RECQL: variants seen among roughly 807,000 people sequenced by gnomAD.
RECQL encodes ATP-dependent DNA helicase Q1.
In RECQL, 73 loss-of-function variants were observed where a neutral mutation model predicts 75.8. The ratio of observed to expected loss-of-function variants is 0.96; its 90% confidence interval spans 0.80 to 1.17. The LOEUF is 1.17. RECQL is among the 50% of genes most tolerant of loss of function. RECQL has a pLI of 0.00. For missense variants in RECQL, 699 were observed against 772.1 expected, an observed-to-expected ratio of 0.91 and a Z score of 1.12; for synonymous variants, 248 against 254.4, an observed-to-expected ratio of 0.97 and a Z score of 0.24.
intron 2 of RECQL, among the ~76,000 whole-genome samples, chr12:21,497,404 G>A (rs1463709486): frequency 6.6e-6 from 1 of 152,144 alleles, no homozygotes; most frequent in East Asian, 1.9e-4. Flanking sequence ...AAGCACTCTA[G>A]CATCTCTCCA....
intron 6 of RECQL, among the ~76,000 whole-genome samples, chr12:21,481,743 G>A (rs1366692223): frequency 6.6e-6 from 1 of 152,194 alleles, no homozygotes; most frequent in Admixed American, 6.5e-5. Flanking sequence ...ACTGAGGTCA[G>A]AACCCTAGGG....
At chr12:21,496,579 G>A (rs1943512684) in intron 2 of RECQL, among the ~76,000 whole-genome samples, 1 of 152,192 alleles carries the variant, frequency 6.6e-6, no homozygotes, top group Non-Finnish European at 1.5e-5. Context: ...AGAAGCAGCA[G>A]TAGCAGCTAC....
At chr12:21,471,709 T>C in intron 12 of RECQL, 62 bp from the exon 13 acceptor site, 1 of 1,309,694 alleles carries the variant, frequency 7.6e-7, no homozygotes, top group East Asian at 2.3e-5. Flanking sequence ...AAAGATAGGC[T>C]ATCTTAAGTA....
chr12:21,501,364 G>T lies in RECQL; in HGVS notation c.-240C>A, dbSNP rs1416274031. 1 of 152,534 alleles carries T rather than the reference G, an allele frequency of 6.6e-6. No individual in the cohort carries two copies. The highest frequency in any genetic ancestry group is 1.5e-5 in the Non-Finnish European group (1 of 68,306). The allele number at this position is 152,534 out of a possible 1,614,324, so 9.4% of individuals were successfully genotyped here. ...GAAAGGAAGTGATCCGCTACAGACC[G>T]GCCTCGCCCTGCAGCAGGAAAGGGA... is the stretch of plus-strand genomic sequence containing the variant. On this transcript the variant is annotated 5_prime_UTR_variant, in exon 1 of 15. Coordinates refer to ENST00000444129, the MANE Select transcript of RECQL (RefSeq NM_002907.4).
chr12:21,471,038 A>G lies in RECQL; in HGVS notation c.1728T>C (p.Ala576=). The G allele has an allele frequency of 6.2e-7, 1 of 1,601,674 alleles. No individual in the cohort carries two copies. The highest frequency in any genetic ancestry group is 8.5e-7 in the Non-Finnish European group (1 of 1,175,120). ...CATGTGCCTCATTGTTCAGAAGATT[A>G]GCTTTAGGTCCTATTTTCAAATACG... ...TISYLKIGPK[A]NLLNNEAHAI... The change falls in exon 14 of 15, where the codon GCT becomes GCC. Residue 576 remains alanine (A), a synonymous_variant. Coordinates refer to ENST00000444129, the MANE Select transcript of RECQL (RefSeq NM_002907.4).
intron 2 of RECQL, among the ~76,000 whole-genome samples, chr12:21,499,342 ACG>A (rs1943562650): frequency 6.6e-6 from 1 of 152,224 alleles, no homozygotes. Flanking sequence ...GATAGTGGTG[ACG>A]ACTGCACAAC....
chr12:21,495,752 A>G (rs73071368), intron 2 of RECQL, among the ~76,000 whole-genome samples: 5,847 of 152,292 alleles, frequency 0.038, 151 homozygotes, highest in African/African-American at 0.076. Flanking sequence ...TTTGGTTTCC[A>G]GAGATTTAAA....
intron 6 of RECQL, among the ~76,000 whole-genome samples, chr12:21,479,882 A>T (rs962361180): frequency 1.3e-5 from 2 of 152,212 alleles, no homozygotes; most frequent in Non-Finnish European, 2.9e-5. Flanking sequence ...TGGGATATGG[A>T]GGTGGCAGGG....
intron 11 of RECQL, among the ~76,000 whole-genome samples, chr12:21,474,070 TTGTC>T (rs578197743): frequency 3.1e-4 from 47 of 152,172 alleles, no homozygotes; most frequent in African/African-American, 8.7e-4. Context: ...GTTTAAAAAA[TTGTC>T]TGAGTTCCAT....
chr12:21,485,576 A>G (rs1361197056), intron 5 of RECQL, among the ~76,000 whole-genome samples: 1 of 152,130 alleles, frequency 6.6e-6, no homozygotes, highest in Non-Finnish European at 1.5e-5. Flanking sequence ...TGAGATAGAA[A>G]TCTGAATTTT....
At chr12:21,490,615 G>A (rs1349921362) in intron 3 of RECQL, among the ~76,000 whole-genome samples, 1 of 152,148 alleles carries the variant, frequency 6.6e-6, no homozygotes, top group Non-Finnish European at 1.5e-5. Flanking sequence ...GGAGGCCTAA[G>A]CAGGAGGATT....
At chr12:21,493,788 GCCT>G (rs747603390) in intron 2 of RECQL, among the ~76,000 whole-genome samples, 41 of 152,236 alleles carry the variant, frequency 2.7e-4, no homozygotes, top group Middle Eastern at 3.4e-3. Flanking sequence ...GGACTGCTAA[GCCT>G]CCTAAGAATC....
chr12:21,494,369 G>A (rs1943466415), intron 2 of RECQL, among the ~76,000 whole-genome samples: 1 of 152,136 alleles, frequency 6.6e-6, no homozygotes, highest in South Asian at 2.1e-4. Flanking sequence ...AATGTATATG[G>A]GAATAGATCA....
chr12:21,501,424 C>G lies in RECQL; in HGVS notation c.-300G>C, dbSNP rs1271131759. On this transcript the variant is annotated 5_prime_UTR_variant, in exon 1 of 15. Coordinates refer to ENST00000444129, the MANE Select transcript of RECQL (RefSeq NM_002907.4). ...CAAAAAGCGCACACCCTTGACCCTT[C>G]AAAGCTGTAACAGTAGTTATCCCAG... 6.3e-6 allele frequency: 1 copy of G among 159,124 alleles called. No homozygotes were observed. The highest frequency in any genetic ancestry group is 2.4e-5 in the African/African-American group (1 of 41,530). The allele number at this position is 159,124 out of a possible 1,614,324, so 9.9% of individuals were successfully genotyped here.
At chr12:21,471,261 A>G in intron 13 of RECQL, 163 bp from the exon 14 acceptor site, 1 of 986,942 alleles carries the variant, frequency 1.0e-6, no homozygotes, top group Non-Finnish European at 1.4e-6. Flanking sequence ...TATTTTCGTT[A>G]CTTTTTTTTA....
intron 7 of RECQL, 68 bp from the exon 8 acceptor site, chr12:21,477,060 C>G: frequency 1.1e-6 from 1 of 907,266 alleles, no homozygotes; most frequent in Non-Finnish European, 1.5e-6. Flanking sequence ...CTATGTACAA[C>G]TTTCAGGATG....
Position 21,490,285 on chromosome 12 carries a change from G to T in RECQL, c.308C>A (p.Thr103Lys). 2 of 1,612,502 alleles carry T rather than the reference G, an allele frequency of 1.2e-6. No homozygotes were observed. Among genetic ancestry groups the T allele is most frequent in the Admixed American group, 1.7e-5 (1 of 60,010 alleles). Residue 103 changes from threonine (T) to lysine (K), a missense_variant, in exon 4 of 15, where the codon ACA becomes AAA. By Grantham distance (78) the Thr-to-Lys change is moderately conservative (BLOSUM62 -1). Coordinates refer to ENST00000444129, the MANE Select transcript of RECQL (RefSeq NM_002907.4). ...AAGAAATACCTCCTTTCCAGCCATT[G>T]TTACGTTAATAGTTTCAAGCTGAAG... ...RPLQLETINV[T>K]MAGKEVFLVM...
intron 8 of RECQL, among the ~76,000 whole-genome samples, chr12:21,476,165 G>C (rs1943083953): frequency 6.6e-6 from 1 of 151,824 alleles, no homozygotes; most frequent in African/African-American, 2.4e-5. Context: ...ATTAATTTTG[G>C]GTTAATTTAG....
intron 2 of RECQL, among the ~76,000 whole-genome samples, chr12:21,497,617 C>T (rs1009976325): frequency 2.0e-5 from 3 of 152,198 alleles, no homozygotes; most frequent in African/African-American, 7.2e-5. Flanking sequence ...ATGTATAGAC[C>T]TCTCTGAATG....
Sources: allele counts gnomAD v4.1 joint callset (sites outside exome capture counted in the v4.1 genomes callset), GRCh38; gene constraint gnomAD v4.1.1; transcripts MANE v1.5; gene names NCBI Gene and HGNC (gene_info 2026-07-23, HGNC 2026-07-21).